The following DDIAS variants were observed in gnomAD, a reference collection of about 807,000 sequenced individuals.
DDIAS encodes DNA damage induced apoptosis suppressor.
In DDIAS, 14 loss-of-function variants were observed where a neutral mutation model predicts 15.7. That is an observed-to-expected ratio of 0.89 (90% CI 0.59 to 1.39). DDIAS has a LOEUF of 1.39. Among genes scored for constraint, DDIAS ranks in the 40% most tolerant of loss-of-function variants. The pLI is 0.00. For missense variants in DDIAS, 1,035 were observed against 1,130.9 expected (o/e 0.92, Z 1.22); for synonymous variants, 355 against 395.9 (o/e 0.90, Z 1.23).
intron 2 of DDIAS, chr11:82,913,763 A>T (rs1404620694): frequency 7.1e-6 from 3 of 424,410 alleles, no homozygotes; most frequent in African/African-American, 6.3e-5. Flanking sequence ...TCATGTACAC[A>T]TTGAATATAC....
chr11:82,918,133 TTTAA>T (rs1458668278), intron 3 of DDIAS, among the ~76,000 whole-genome samples: 2 of 152,232 alleles, frequency 1.3e-5, no homozygotes, highest in African/African-American at 4.8e-5. Context: ...AGCTCTTTAG[TTTAA>T]TTAAGTCCCA....
Position 82,928,764 on chromosome 11 carries a change from AC to A in DDIAS, c.114-11del. 1 of 1,609,492 alleles carries A rather than the reference AC, an allele frequency of 6.2e-7. No individual in the cohort carries two copies. The highest frequency in any genetic ancestry group is 8.5e-7 in the Non-Finnish European group (1 of 1,178,704). ...AATGAACATCTCCACACTTTTTTCC[AC>A]CACTTTTCTAGGTCTAATTGTCCAA... is the stretch of plus-strand genomic sequence containing the variant. On this transcript the variant is annotated splice_polypyrimidine_tract_variant and intron_variant, in intron 3 of 5. Transcript: ENST00000533655.
intron 3 of DDIAS, among the ~76,000 whole-genome samples, chr11:82,920,420 C>T (rs753393436): frequency 2.0e-5 from 3 of 151,952 alleles, no homozygotes; most frequent in African/African-American, 4.8e-5. Flanking sequence ...TGCTGGGTTT[C>T]GGTTTGGTTT....
In DDIAS at chr11:82,932,151, G is replaced by C. The variant is rs1451930541; in HGVS notation, c.813G>C (p.Gln271His). Residue 271 changes from glutamine (Q) to histidine (H), a missense_variant, in exon 6 of 6, where the codon CAG (glutamine) becomes CAC (histidine). Coordinates refer to ENST00000533655, the MANE Select transcript of DDIAS (RefSeq NM_145018.4). ...SEQSKAFGTL[Q>H]QNRKSISIAE... is the part of the protein sequence containing the mutation. ...AAAGTAAGGCCTTTGGTACTCTTCA[G>C]CAGAACAGAAAGTCCATCTCCATTG... 3.1e-6 allele frequency: 5 copies of C among 1,614,050 alleles called. No individual in the cohort carries two copies. Among genetic ancestry groups the C allele is most frequent in the Non-Finnish European group, 4.2e-6 (5 of 1,180,022 alleles).
intron 5 of DDIAS, among the ~76,000 whole-genome samples, chr11:82,930,887 A>G (rs1216854692): frequency 6.6e-6 from 1 of 152,204 alleles, no homozygotes; most frequent in African/African-American, 2.4e-5. Flanking sequence ...AGAGTGAGAA[A>G]AATCCAAAGG....
chr11:82,917,434 AAC>A (rs1196772690), intron 3 of DDIAS, among the ~76,000 whole-genome samples: 1 of 152,190 alleles, frequency 6.6e-6, no homozygotes, highest in Non-Finnish European at 1.5e-5. Flanking sequence ...CACTTAGAAT[AAC>A]AGTCTCCAGT....
chr11:82,915,772 T>TTACACA (rs1192640476), intron 3 of DDIAS, among the ~76,000 whole-genome samples: 11 of 152,228 alleles, frequency 7.2e-5, no homozygotes, highest in African/African-American at 2.7e-4. Context: ...TTAGATTGTC[T>TTACACA]TAGGTTCACC....
intron 1 of DDIAS, among the ~76,000 whole-genome samples, chr11:82,912,228 T>C (rs1860541967): frequency 6.6e-6 from 1 of 152,208 alleles, no homozygotes; most frequent in Admixed American, 6.5e-5. Context: ...CACTGACTTC[T>C]CTAGCTATGA....
chr11:82,932,099 A>G lies in DDIAS; in HGVS notation c.761A>G (p.Asp254Gly). The change falls in exon 6 of 6, where the codon GAT (aspartate) becomes GGT (glycine). Residue 254 changes from aspartate to glycine, a missense_variant. Coordinates refer to ENST00000533655, the MANE Select transcript of DDIAS (RefSeq NM_145018.4). Reference protein sequence around the residue: ...EFTCIVSQLTDNDDFSASEQS... With the variant: ...EFTCIVSQLTGNDDFSASEQS... The stretch of plus-strand genomic sequence containing the variant: ...ACTTGCATTGTTTCACAACTAACAG[A>G]TAATGATGATTTTTCAGCTTCAGAA... The G allele has an allele frequency of 6.2e-7, 1 of 1,614,182 alleles. No individual in the cohort carries two copies. The highest frequency in any genetic ancestry group is 1.1e-5 in the South Asian group (1 of 91,072).
chr11:82,929,059 T>A, intron 4 of DDIAS, 121 bp downstream of exon 4: 1 of 1,110,992 alleles, frequency 9.0e-7, no homozygotes, highest in Non-Finnish European at 1.3e-6. Context: ...TCAATTCCTT[T>A]AAAAGACAAG....
In DDIAS at chr11:82,904,443, CA is replaced by C. The variant is rs139306067; in HGVS notation, c.-117+2624del. On this transcript the variant is annotated intron_variant, in intron 1 of 5. Coordinates refer to ENST00000533655, the MANE Select transcript of DDIAS (RefSeq NM_145018.4). ...TGAGGTAGTTAAGCTGAAAGATCAC[CA>C]AATAATGGATTAGAGTAAAGAATTG... Among the ~76,000 whole-genome samples, 1,293 of 152,258 alleles carry C rather than the reference CA, an allele frequency of 8.5e-3. 18 individuals are homozygous for C. The highest frequency in any genetic ancestry group is 0.03 in the African/African-American group (1,239 of 41,556).
intron 1 of DDIAS, among the ~76,000 whole-genome samples, chr11:82,904,375 G>A (rs929052412): frequency 7.9e-5 from 12 of 152,124 alleles, no homozygotes; most frequent in South Asian, 2.1e-4. Flanking sequence ...GTATGGGCAC[G>A]GTTTTTCATA....
At chr11:82,908,307 G>T (rs1383118496) in intron 1 of DDIAS, among the ~76,000 whole-genome samples, 1 of 152,010 alleles carries the variant, frequency 6.6e-6, no homozygotes, top group Non-Finnish European at 1.5e-5. Flanking sequence ...GTGAGGTCAG[G>T]GATTGGCAAG....
rs1861068135 is a variant in DDIAS, at chr11:82,934,160, GTTCAGGCTGGAT to G, written c.2826_2837del (p.Gly943_Ser946del). ...AAAACTCATAAATATAACTGTAAAAGTTCAGGCTGGATTTCCAAATGTCCAGACATTCAAGTC... is the reference window on the plus strand; with the variant it reads ...AAAACTCATAAATATAACTGTAAAAGTTCCAAATGTCCAGACATTCAAGTC... On this transcript the variant is annotated inframe_deletion, in exon 6 of 6. Coordinates refer to ENST00000533655, the MANE Select transcript of DDIAS (RefSeq NM_145018.4). The G allele has an allele frequency of 6.2e-7, 1 of 1,613,518 alleles. No homozygotes were observed. Among genetic ancestry groups the G allele is most frequent in the Non-Finnish European group, 8.5e-7 (1 of 1,179,966 alleles).
Position 82,933,534 on chromosome 11 carries a change from A to G in DDIAS, c.2196A>G (p.Gln732=), listed in dbSNP as rs1861048311. 6.2e-7 allele frequency: 1 copy of G among 1,614,094 alleles called. No individual in the cohort carries two copies. Among genetic ancestry groups the G allele is most frequent in the African/African-American group, 1.3e-5 (1 of 75,050 alleles). ...SLSEDFIQPS[Q]KLSLQSLSDS... ...CTGAAGACTTCATCCAGCCTTCACA[A>G]AAATTATCCTTGCAAAGCCTATCTG... Residue 732 remains glutamine (Q), a synonymous_variant, in exon 6 of 6, where the codon CAA becomes CAG. Transcript: ENST00000533655.
intron 3 of DDIAS, among the ~76,000 whole-genome samples, chr11:82,919,658 C>T (rs1372505952): frequency 6.6e-6 from 1 of 152,208 alleles, no homozygotes; most frequent in Non-Finnish European, 1.5e-5. Context: ...AGAATAGCGT[C>T]AGAAGGATTG....
At chr11:82,910,455 G>C (rs988275634) in intron 1 of DDIAS, among the ~76,000 whole-genome samples, 5 of 151,824 alleles carry the variant, frequency 3.3e-5, no homozygotes, top group African/African-American at 1.2e-4. Flanking sequence ...ATTTTTGATA[G>C]AGATGGGGTT....
chr11:82,933,365 C>G lies in DDIAS; in HGVS notation c.2027C>G (p.Ser676Cys). ...GGTTATGAAGGTAGCTATGATGCCT[C>G]TGCTGATCTCTTTGATGATATTGCT... ...SIGYEGSYDA[S>C]ADLFDDIAKE... The change falls in exon 6 of 6, where the codon TCT becomes TGT. Residue 676 changes from serine to cysteine, a missense_variant. Transcript: ENST00000533655. The G allele has an allele frequency of 6.2e-7, 1 of 1,614,012 alleles. No individual in the cohort carries two copies. Among genetic ancestry groups the G allele is most frequent in the Admixed American group, 1.7e-5 (1 of 60,016 alleles).
chr11:82,925,635 T>TA (rs1860842832), intron 3 of DDIAS, among the ~76,000 whole-genome samples: 1 of 152,002 alleles, frequency 6.6e-6, no homozygotes, highest in South Asian at 2.1e-4. Context: ...AGATATAAGA[T>TA]AAACAAGTTC....
Sources: allele counts gnomAD v4.1 joint callset (sites outside exome capture counted in the v4.1 genomes callset), GRCh38; gene constraint gnomAD v4.1.1; transcripts MANE v1.5; gene names NCBI Gene and HGNC (gene_info 2026-07-23, HGNC 2026-07-21).